Variants in CEP164 observed in about 807,000 individuals in gnomAD.
The protein encoded by CEP164 is centrosomal protein 164.
CEP164 carries 162 observed loss-of-function variants against 182.7 expected under a neutral mutation model. That is an observed-to-expected ratio of 0.89 (90% CI 0.78 to 1.01). CEP164 has a LOEUF of 1.01. CEP164 is among the 50% of genes least tolerant of loss of function. CEP164 has a pLI of 0.00. For missense variants in CEP164, 1,735 were observed against 1,790.4 expected (o/e 0.97, Z 0.56); for synonymous variants, 661 against 690.0 (o/e 0.96, Z 0.66).
At chr11:117,382,568 G>T (rs777097982) in intron 13 of CEP164, among the ~76,000 whole-genome samples, 4 of 152,250 alleles carry the variant, frequency 2.6e-5, no homozygotes, top group Non-Finnish European at 5.9e-5. Context: ...AGCTCCTGGG[G>T]TACCATAACC....
chr11:117,349,641 GTGCCCAGC>G (rs1410322717), intron 4 of CEP164, among the ~76,000 whole-genome samples: 1 of 152,088 alleles, frequency 6.6e-6, no homozygotes, highest in Non-Finnish European at 1.5e-5. Flanking sequence ...GTGCACCATG[GTGCCCAGC>G]TATTTTAAAA....
chr11:117,328,136 G>A (rs2035599621), intron 1 of CEP164: 1 of 152,320 alleles, frequency 6.6e-6, no homozygotes, highest in African/African-American at 2.4e-5. Context: ...CGGACTGCCA[G>A]GCGACAGTTC....
rs2045418852 is a variant in CEP164 at position 117,396,081 on chromosome 11, G to C, written c.3117G>C (p.Lys1039Asn). 1 of 1,614,150 alleles carries C rather than the reference G, an allele frequency of 6.2e-7. No individual in the cohort carries two copies. The highest frequency in any genetic ancestry group is 8.5e-7 in the Non-Finnish European group (1 of 1,180,012). The change falls in exon 25 of 33, where the codon AAG (lysine) becomes AAC (asparagine). Residue 1039 changes from lysine (K) to asparagine (N), a missense_variant. By Grantham distance (94) the Lys-to-Asn change is moderately conservative. Coordinates refer to ENST00000278935, the MANE Select transcript of CEP164 (RefSeq NM_014956.5). ...FSSLEAEAQKKQHLLREVTVE... is the reference protein window; with the variant it reads ...FSSLEAEAQKNQHLLREVTVE... The stretch of plus-strand genomic sequence containing the variant: ...GCCTGGAGGCTGAAGCTCAAAAGAA[G>C]CAGCACCTGTTGAGAGAAGTGACAG...
At chr11:117,335,461 G>T (rs948881206) in intron 1 of CEP164, 144 bp from the exon 2 acceptor site, 4 of 152,310 alleles carry the variant, frequency 2.6e-5, no homozygotes, top group Admixed American at 6.6e-5. Flanking sequence ...GGTACAGAGG[G>T]GGGCCATAGT....
chr11:117,410,164 C>A (rs1216821473), intron 30 of CEP164, 199 bp downstream of exon 30: 2 of 695,538 alleles, frequency 2.9e-6, no homozygotes. Context: ...GGAGACATTG[C>A]AGGTGGCCCT....
rs61903740 is a variant in CEP164 at position 117,356,057 on chromosome 11, C to T, written c.393+4069C>T. The T allele has an allele frequency of 9.9e-6, 11 of 1,109,294 alleles. No homozygotes were observed. In the East Asian group the frequency reaches 2.4e-4, roughly 25 times the overall value. 68.7% of individuals were successfully genotyped at this position (1,109,294 alleles called of 1,614,324 possible). A position where few individuals can be genotyped will look rare whatever the true frequency, so the allele number is the denominator to read the frequency against. ...GGCCTCACACCTGGGCTCTCCTGTC[C>T]TGGATGAGGTGAACAACTTCCCTTG... On this transcript the variant is annotated intron_variant, in intron 5 of 32. Transcript: ENST00000278935.
chr11:117,406,672 G>A (rs1351082371), intron 27 of CEP164, among the ~76,000 whole-genome samples: 3 of 152,186 alleles, frequency 2.0e-5, no homozygotes, highest in African/African-American at 7.2e-5. Context: ...TACCCACCCT[G>A]CTTCTCTGAT....
intron 5 of CEP164, among the ~76,000 whole-genome samples, chr11:117,361,057 C>T (rs1170225949): frequency 6.6e-6 from 1 of 151,010 alleles, no homozygotes; most frequent in Non-Finnish European, 1.5e-5. Flanking sequence ...GCCTCAGCCT[C>T]CTGAGTATCT....
intron 15 of CEP164, among the ~76,000 whole-genome samples, chr11:117,390,542 G>A (rs1344034287): frequency 6.6e-6 from 1 of 151,486 alleles, no homozygotes; most frequent in Non-Finnish European, 1.5e-5. Flanking sequence ...ATGCTGAGGC[G>A]AGAGGATTGC....
chr11:117,360,961 G>T lies in CEP164; in HGVS notation c.394-874G>T, dbSNP rs189699150. ...CTTTTTTTTTTTTTTTTGAGACAGA[G>T]TCTCGCTCTGTCGCTCAGGCTGGAG... On this transcript the variant is annotated intron_variant, in intron 5 of 32. Coordinates refer to ENST00000278935, the MANE Select transcript of CEP164 (RefSeq NM_014956.5). Among the ~76,000 whole-genome samples the T allele has an allele frequency of 2.6e-4, 36 of 140,378 alleles. No individual in the cohort carries two copies. The East Asian group carries it at 7.2e-3, about 28-fold the overall frequency. 92.1% of individuals were successfully genotyped at this position (140,378 alleles called of 152,430 possible).
In CEP164 at chr11:117,411,795, T is replaced by C. The variant is rs761543085; in HGVS notation, c.4164T>C (p.Ser1388=). 3 of 1,614,072 alleles carry C rather than the reference T, an allele frequency of 1.9e-6. No individual in the cohort carries two copies. In the South Asian group the frequency reaches 3.3e-5, roughly 18 times the overall value. Reference sequence around the variant, plus strand: ...GCCATGCTCTCCTCTTCCTTCCCAGTGAGCAGCTCCGGCTCCTACAGCACT... The same window carrying C: ...GCCATGCTCTCCTCTTCCTTCCCAGCGAGCAGCTCCGGCTCCTACAGCACT... ...LESRLGYMSA[S]EQLRLLQHSH... is the part of the protein sequence containing the mutation. Residue 1388 remains serine (S), a splice_region_variant and synonymous_variant, in exon 32 of 33, where the codon AGT becomes AGC. Coordinates refer to ENST00000278935, the MANE Select transcript of CEP164 (RefSeq NM_014956.5). The surrounding 1 kb of genome is among the most constrained non-coding windows in gnomAD (Gnocchi z 4.4).
chr11:117,325,557 T>C (rs2035398941), upstream of CEP164, among the ~76,000 whole-genome samples: 1 of 151,868 alleles, frequency 6.6e-6, no homozygotes, highest in South Asian at 2.1e-4. Flanking sequence ...AGCTAACTTT[T>C]GTATTTTTAG....
At chr11:117,345,967 G>T (rs114535273) in intron 4 of CEP164, among the ~76,000 whole-genome samples, 2,288 of 152,272 alleles carry the variant, frequency 0.015, 57 homozygotes, top group African/African-American at 0.052. Flanking sequence ...CATTACAGGC[G>T]TGAGAGCCCG....
At chr11:117,396,029 C>CTCT (rs1565595619) in intron 24 of CEP164, 25 bp from the exon 25 acceptor site, 1 of 1,613,944 alleles carries the variant, frequency 6.2e-7, no homozygotes, top group Middle Eastern at 1.7e-4. Context: ...GCTGCCCTGC[C>CTCT]TCTCACTCAT....
intron 2 of CEP164, chr11:117,336,255 A>C: frequency 6.3e-7 from 1 of 1,585,026 alleles, no homozygotes; most frequent in Non-Finnish European, 8.6e-7. Flanking sequence ...AATGCTTGCC[A>C]TGCTTTTGGT....
intron 1 of CEP164, among the ~76,000 whole-genome samples, chr11:117,332,045 G>C (rs1403392074): frequency 6.6e-6 from 1 of 151,090 alleles, no homozygotes. Context: ...GGCTGGTCTT[G>C]AGCTTCTAGG....
In CEP164 at chr11:117,409,619, C is replaced by G. The variant is rs1262187462; in HGVS notation, c.3750C>G (p.Ile1250Met). 4 of 1,602,702 alleles carry G rather than the reference C, an allele frequency of 2.5e-6. No homozygotes were observed. The highest frequency in any genetic ancestry group is 3.4e-6 in the Non-Finnish European group (4 of 1,171,728). Residue 1250 changes from isoleucine (I) to methionine (M), a missense_variant and splice_region_variant, in exon 30 of 33, where the codon ATC becomes ATG. Transcript: ENST00000278935. This position sits in a 1 kb window ranked among gnomAD's most constrained non-coding sequence, Gnocchi z 4.4. Reference protein sequence around the residue: ...PHREWWRQQRIDSTPSLTSRK... With the variant: ...PHREWWRQQRMDSTPSLTSRK... ...CACCATCCACCTCTTTTCTTTCAGTCGACTCAACCCCGAGTCTCACCTCCC... is the reference window on the plus strand; with the variant it reads ...CACCATCCACCTCTTTTCTTTCAGTGGACTCAACCCCGAGTCTCACCTCCC...
At chr11:117,390,088 G>A (rs2044432430) in intron 15 of CEP164, among the ~76,000 whole-genome samples, 1 of 151,888 alleles carries the variant, frequency 6.6e-6, no homozygotes, top group Non-Finnish European at 1.5e-5. Flanking sequence ...GATTACAGGT[G>A]TGCGCCACCA....
chr11:117,345,151 G>A (rs1379764628), intron 4 of CEP164, among the ~76,000 whole-genome samples: 1 of 152,128 alleles, frequency 6.6e-6, no homozygotes, highest in Non-Finnish European at 1.5e-5. Flanking sequence ...TTTGGCTAGA[G>A]CTCTTTGGGT....
Sources: allele counts gnomAD v4.1 joint callset (sites outside exome capture counted in the v4.1 genomes callset), GRCh38; gene constraint gnomAD v4.1.1; non-coding constraint Gnocchi (gnomAD v3.1); transcripts MANE v1.5; gene names NCBI Gene and HGNC (gene_info 2026-07-23, HGNC 2026-07-21).